Variants in CWC27 observed in about 807,000 individuals in gnomAD.
The protein encoded by CWC27 is spliceosome-associated protein CWC27 homolog.
In CWC27, 47 loss-of-function variants were observed where a neutral mutation model predicts 63.6. The observed-to-expected ratio is 0.74, with a 90% confidence interval of 0.58 to 0.94. The LOEUF is 0.94. Among genes scored for constraint, CWC27 ranks in the 40% least tolerant of loss-of-function variants. The pLI, the probability that CWC27 is intolerant of heterozygous loss-of-function variation, is 0.00. For missense variants in CWC27, 495 were observed against 554.3 expected, an observed-to-expected ratio of 0.89 and a Z score of 1.07; for synonymous variants, 175 against 179.8, an observed-to-expected ratio of 0.97 and a Z score of 0.22.
intron 9 of CWC27, among the ~76,000 whole-genome samples, chr5:64,801,942 A>G (rs527684826): frequency 2.0e-5 from 3 of 152,206 alleles, no homozygotes; most frequent in African/African-American, 7.2e-5. Context: ...CTTTCCATGC[A>G]TGAACACAGA....
intron 11 of CWC27, among the ~76,000 whole-genome samples, chr5:64,957,011 T>C (rs1748814793): frequency 6.6e-6 from 1 of 152,174 alleles, no homozygotes; most frequent in Non-Finnish European, 1.5e-5. Flanking sequence ...AGCTACTTTA[T>C]TGCTTCAGTT....
At chr5:64,847,352 G>A (rs151095210) in intron 10 of CWC27, among the ~76,000 whole-genome samples, 44 of 152,272 alleles carry the variant, frequency 2.9e-4, no homozygotes, top group African/African-American at 1.0e-3. Context: ...TTATAAATAT[G>A]TTTGCATCTA....
intron 12 of CWC27, among the ~76,000 whole-genome samples, chr5:64,972,378 G>A (rs1168476934): frequency 6.6e-6 from 1 of 152,158 alleles, no homozygotes; most frequent in African/African-American, 2.4e-5. Context: ...TCAGCACTAT[G>A]TGCCATGCAG....
chr5:64,975,328 G>A (rs1749209833), intron 12 of CWC27, among the ~76,000 whole-genome samples: 2 of 152,134 alleles, frequency 1.3e-5, no homozygotes. Flanking sequence ...GCTTAGGAAT[G>A]TATTGTGACT....
intron 13 of CWC27, among the ~76,000 whole-genome samples, chr5:64,982,614 T>G (rs1273812741): frequency 6.6e-6 from 1 of 152,026 alleles, no homozygotes; most frequent in East Asian, 1.9e-4. Flanking sequence ...TATTTTCCCC[T>G]TCATTCCAAC....
At chr5:64,929,339 C>T (rs537849328) in intron 11 of CWC27, among the ~76,000 whole-genome samples, 1 of 152,178 alleles carries the variant, frequency 6.6e-6, no homozygotes, top group South Asian at 2.1e-4. Context: ...TTCCCAAGAC[C>T]AGACCACCTG....
chr5:64,836,505 T>C (rs1430475349), intron 10 of CWC27, among the ~76,000 whole-genome samples: 1 of 151,992 alleles, frequency 6.6e-6, no homozygotes, highest in Non-Finnish European at 1.5e-5. Flanking sequence ...CCTTTAATAA[T>C]ACTACTGTTT....
chr5:64,978,513 G>A (rs1749271860), intron 13 of CWC27, among the ~76,000 whole-genome samples: 1 of 151,968 alleles, frequency 6.6e-6, no homozygotes, highest in Admixed American at 6.6e-5. Flanking sequence ...CTCAGTGAAT[G>A]TTGATTGACC....
intron 13 of CWC27, among the ~76,000 whole-genome samples, chr5:64,989,631 A>G (rs1186798395): frequency 3.3e-5 from 5 of 152,218 alleles, no homozygotes; most frequent in African/African-American, 4.8e-5. Flanking sequence ...ATTGGTATTG[A>G]GAGGTGCAGT....
At chr5:64,994,899 T>C (rs1270135539) in intron 13 of CWC27, among the ~76,000 whole-genome samples, 3 of 152,214 alleles carry the variant, frequency 2.0e-5, no homozygotes, top group Non-Finnish European at 4.4e-5. Flanking sequence ...TTGCTGGTAG[T>C]TGAACTTTTT....
intron 10 of CWC27, among the ~76,000 whole-genome samples, chr5:64,814,766 T>C (rs1446855590): frequency 6.6e-6 from 1 of 152,132 alleles, no homozygotes; most frequent in Non-Finnish European, 1.5e-5. Flanking sequence ...TTCACATATA[T>C]TATAATATAA....
intron 2 of CWC27, among the ~76,000 whole-genome samples, chr5:64,779,335 A>G (rs1201223197): frequency 6.6e-6 from 1 of 152,210 alleles, no homozygotes; most frequent in East Asian, 1.9e-4. Context: ...GATTGGCTCA[A>G]CCACAACCTG....
At chr5:64,941,981 GCAGT>G (rs202042405) in intron 11 of CWC27, among the ~76,000 whole-genome samples, 2,002 of 151,910 alleles carry the variant, frequency 0.013, 21 homozygotes, top group Non-Finnish European at 0.019. Context: ...GGCATGACAG[GCAGT>G]CAGCAAATTA....
At chr5:64,987,288 T>C (rs1749452748) in intron 13 of CWC27, among the ~76,000 whole-genome samples, 1 of 152,168 alleles carries the variant, frequency 6.6e-6, no homozygotes. Flanking sequence ...TTTTAAACTT[T>C]TCATAGTTTA....
At chr5:64,955,625 A>T (rs1006399017) in intron 11 of CWC27, among the ~76,000 whole-genome samples, 5 of 152,116 alleles carry the variant, frequency 3.3e-5, no homozygotes, top group African/African-American at 1.2e-4. Context: ...GCATAGTTGG[A>T]TGAGCTTTTC....
At chr5:64,919,539 A>G (rs957103250) in intron 11 of CWC27, among the ~76,000 whole-genome samples, 5 of 152,062 alleles carry the variant, frequency 3.3e-5, no homozygotes, top group African/African-American at 9.7e-5. Flanking sequence ...TCCAGTATCT[A>G]TTGTTCTCGT....
chr5:64,958,999 G>T (rs775746090), intron 11 of CWC27, among the ~76,000 whole-genome samples: 2 of 152,080 alleles, frequency 1.3e-5, no homozygotes, highest in Non-Finnish European at 2.9e-5. Context: ...GATGGAGCCA[G>T]TATTGTTCAA....
chr5:64,828,324 T>C (rs1745422841), intron 10 of CWC27, among the ~76,000 whole-genome samples: 2 of 152,154 alleles, frequency 1.3e-5, no homozygotes, highest in African/African-American at 4.8e-5. Context: ...AATAGAATTA[T>C]GGAAGTTTAA....
At chr5:64,988,952 C>G (rs1749486475) in intron 13 of CWC27, among the ~76,000 whole-genome samples, 2 of 152,110 alleles carry the variant, frequency 1.3e-5, no homozygotes, top group Non-Finnish European at 2.9e-5. Context: ...TGCAGTTTAG[C>G]ATTGGATTGA....
Sources: gnomAD v4.1 joint callset for allele counts (sites outside exome capture counted in the v4.1 genomes callset) on GRCh38, gnomAD v4.1.1 for gene constraint, MANE v1.5 for transcripts, NCBI Gene and HGNC (gene_info 2026-07-23, HGNC 2026-07-21) for gene names.